UBE2R2: variants seen among roughly 807,000 people sequenced by gnomAD.
The protein encoded by UBE2R2 is ubiquitin conjugating enzyme E2 R2, also known as ubiquitin-conjugating enzyme E2 R2.
Under a neutral mutation model 27.8 loss-of-function variants are expected in UBE2R2, and 1 was observed. The ratio of observed to expected loss-of-function variants is 0.04; its 90% CI spans 0.01 to 0.17. The LOEUF is 0.17. Ranked by LOEUF, UBE2R2 falls within the 10% of genes least tolerant of loss-of-function variation. The pLI, the probability that UBE2R2 is intolerant of heterozygous loss-of-function variation, is 1.00. For missense variants in UBE2R2, 100 were observed against 291.0 expected, an observed-to-expected ratio of 0.34 and a Z score of 4.78; for synonymous variants, 106 against 113.3, an observed-to-expected ratio of 0.94 and a Z score of 0.41.
chr9:33,857,071 A>G (rs933848588), intron 1 of UBE2R2, among the ~76,000 whole-genome samples: 13 of 150,520 alleles, frequency 8.6e-5, no homozygotes, highest in Admixed American at 6.0e-4. Flanking sequence ...TAATTTTTGT[A>G]TTGTTAGTAG....
At chr9:33,828,594 C>G (rs1820371732) in intron 1 of UBE2R2, among the ~76,000 whole-genome samples, 1 of 151,916 alleles carries the variant, frequency 6.6e-6, no homozygotes, top group African/African-American at 2.4e-5. Context: ...TCAAGTCTCG[C>G]TCTGTTCCCC....
intron 1 of UBE2R2, among the ~76,000 whole-genome samples, chr9:33,830,508 T>C (rs1273562806): frequency 6.7e-6 from 1 of 149,490 alleles, no homozygotes; most frequent in African/African-American, 2.4e-5. Flanking sequence ...GGCTCATGCC[T>C]GTAATCCCAG....
At chr9:33,874,620 GTAAT>G (rs1036932940) in intron 1 of UBE2R2, among the ~76,000 whole-genome samples, 1 of 147,976 alleles carries the variant, frequency 6.8e-6, no homozygotes, top group African/African-American at 2.5e-5. Context: ...ATTTTATTTT[GTAAT>G]TAATTTCTAC....
chr9:33,862,958 G>T (rs886999895), intron 1 of UBE2R2, among the ~76,000 whole-genome samples: 1 of 152,046 alleles, frequency 6.6e-6, no homozygotes. Flanking sequence ...GGAGGCCTAG[G>T]TGGGCAGATC....
At chr9:33,909,381 G>A (rs1470045717) in intron 3 of UBE2R2, among the ~76,000 whole-genome samples, 2 of 152,160 alleles carry the variant, frequency 1.3e-5, no homozygotes, top group South Asian at 2.1e-4. Context: ...CTAGCTACTT[G>A]GGAGGCTGAG....
chr9:33,910,348 C>T (rs1307726411), intron 3 of UBE2R2, among the ~76,000 whole-genome samples: 5 of 152,018 alleles, frequency 3.3e-5, no homozygotes, highest in African/African-American at 7.3e-5. Flanking sequence ...GGGGTTTCAC[C>T]GTGTTGGCCA....
intron 3 of UBE2R2, among the ~76,000 whole-genome samples, chr9:33,911,215 T>A (rs944266529): frequency 4.0e-5 from 6 of 151,244 alleles, no homozygotes; most frequent in African/African-American, 1.5e-4. Context: ...TCAAGACCAG[T>A]CTGACCAACA....
intron 1 of UBE2R2, among the ~76,000 whole-genome samples, chr9:33,835,547 C>G (rs1416882267): frequency 6.6e-6 from 1 of 152,004 alleles, no homozygotes; most frequent in Non-Finnish European, 1.5e-5. Context: ...CAAAAGATGT[C>G]GCAGGAAACT....
intron 1 of UBE2R2, among the ~76,000 whole-genome samples, chr9:33,878,502 C>G (rs1270951853): frequency 1.3e-5 from 2 of 152,048 alleles, no homozygotes; most frequent in African/African-American, 4.8e-5. Context: ...TCTGTAGTCC[C>G]AGTTACTCTG....
At chr9:33,847,755 T>C (rs1820878522) in intron 1 of UBE2R2, among the ~76,000 whole-genome samples, 1 of 149,356 alleles carries the variant, frequency 6.7e-6, no homozygotes, top group African/African-American at 2.5e-5. Flanking sequence ...AAATTTTTTT[T>C]TTTTTTTTTT....
chr9:33,843,486 T>G (rs927971885), intron 1 of UBE2R2, among the ~76,000 whole-genome samples: 3 of 145,522 alleles, frequency 2.1e-5, no homozygotes, highest in African/African-American at 5.1e-5. Flanking sequence ...AACTTTTTTG[T>G]TTTTTTTTTT....
At chr9:33,854,447 G>A (rs1821050559) in intron 1 of UBE2R2, among the ~76,000 whole-genome samples, 1 of 151,942 alleles carries the variant, frequency 6.6e-6, no homozygotes, top group African/African-American at 2.4e-5. Flanking sequence ...AGCCTCCCAA[G>A]TAGCTGTGGT....
At chr9:33,893,913 G>C (rs141890061) in intron 2 of UBE2R2, among the ~76,000 whole-genome samples, 2 of 152,248 alleles carry the variant, frequency 1.3e-5, no homozygotes, top group Non-Finnish European at 2.9e-5. Context: ...TTACAGGTGT[G>C]AGCCACTGTG....
chr9:33,900,927 G>GTC (rs140918268), intron 3 of UBE2R2, among the ~76,000 whole-genome samples: 233 of 149,958 alleles, frequency 1.6e-3, no homozygotes, highest in African/African-American at 4.6e-3. Flanking sequence ...CTCTGTCTCT[G>GTC]TCTCTCTCTC....
At chr9:33,825,063 A>G (rs1319354447) in intron 1 of UBE2R2, among the ~76,000 whole-genome samples, 1 of 152,026 alleles carries the variant, frequency 6.6e-6, no homozygotes, top group South Asian at 2.1e-4. Context: ...TTTATTGAGG[A>G]CTCATTAAAG....
chr9:33,816,625 G>C (rs963759296), upstream of UBE2R2, among the ~76,000 whole-genome samples: 1 of 152,240 alleles, frequency 6.6e-6, no homozygotes, highest in Non-Finnish European at 1.5e-5. Context: ...TTGCCTGTGG[G>C]CTGGCCTGCG....
intron 1 of UBE2R2, among the ~76,000 whole-genome samples, chr9:33,828,318 T>A (rs1196405824): frequency 1.3e-5 from 2 of 150,286 alleles, no homozygotes; most frequent in South Asian, 2.1e-4. Context: ...AAAAAAAAAA[T>A]TAAAATCAAA....
rs535948676 is a variant in UBE2R2 at position 33,817,583 on chromosome 9, C to T, written c.-175C>T. On this transcript the variant is annotated 5_prime_UTR_variant, in exon 1 of 5. Transcript: ENST00000263228. ...CGGCCTGCGTCGTGTGTGAGGAGGA[C>T]CCCGGGCGGGCCCACGGGCCGTGTG... 64 of 639,734 alleles carry T rather than the reference C, an allele frequency of 1.0e-4. No homozygotes were observed. The South Asian group carries it at 4.2e-3, about 42-fold the overall frequency. The allele number at this position is 639,734 out of a possible 1,614,324, so 39.6% of individuals were successfully genotyped here. A position where few individuals can be genotyped will look rare whatever the true frequency, so the allele number is the denominator to read the frequency against.
intron 1 of UBE2R2, among the ~76,000 whole-genome samples, chr9:33,871,660 T>G (rs1821486940): frequency 6.6e-6 from 1 of 152,214 alleles, no homozygotes; most frequent in African/African-American, 2.4e-5. Context: ...CTCAAGATTG[T>G]AATTAACTTC....
Sources: allele counts gnomAD v4.1 joint callset (sites outside exome capture counted in the v4.1 genomes callset), GRCh38; gene constraint gnomAD v4.1.1; transcripts MANE v1.5; gene names NCBI Gene and HGNC (gene_info 2026-07-23, HGNC 2026-07-21).